The following SCN9A variants were observed in gnomAD, a reference collection of about 807,000 sequenced individuals.
The protein encoded by SCN9A is sodium channel protein type 9 subunit alpha.
In SCN9A, 131 loss-of-function variants were observed where a neutral mutation model predicts 187.0. The ratio of observed to expected loss-of-function variants is 0.70; its 90% confidence interval spans 0.61 to 0.81. The LOEUF (loss-of-function observed/expected upper bound fraction) is 0.81. Among genes scored for constraint, SCN9A ranks in the 30% least tolerant of loss-of-function variants. The pLI, the probability that SCN9A is intolerant of heterozygous loss-of-function variation, is 0.00. For synonymous variants in SCN9A, 809 were observed against 808.6 expected, an observed-to-expected ratio of 1.00 and a Z score of -0.01; for missense variants, 2,252 against 2,396.6, an observed-to-expected ratio of 0.94 and a Z score of 1.26.
At chr2:166,352,396 A>G (rs982093735) in intron 1 of SCN9A, among the ~76,000 whole-genome samples, 1 of 152,224 alleles carries the variant, frequency 6.6e-6, no homozygotes, top group Non-Finnish European at 1.5e-5. Flanking sequence ...CACCATGGTA[A>G]ATTAATGATG....
intron 24 of SCN9A, among the ~76,000 whole-genome samples, chr2:166,206,032 G>A (rs994535659): frequency 1.3e-5 from 2 of 152,206 alleles, no homozygotes; most frequent in East Asian, 3.9e-4. Flanking sequence ...TGGAGAGGAT[G>A]TGGAGAAATA....
At chr2:166,244,585 G>T (rs1467001845) in intron 18 of SCN9A, among the ~76,000 whole-genome samples, 1 of 151,910 alleles carries the variant, frequency 6.6e-6, no homozygotes, top group Non-Finnish European at 1.5e-5. Flanking sequence ...ATACTGTCGG[G>T]CTATTGTGCA....
intron 1 of SCN9A, among the ~76,000 whole-genome samples, chr2:166,339,875 A>G (rs993865433): frequency 1.3e-5 from 2 of 152,206 alleles, no homozygotes; most frequent in Non-Finnish European, 2.9e-5. Flanking sequence ...TAATTCTACT[A>G]TCTAGAGAGG....
intron 19 of SCN9A, 27 bp downstream of exon 19, chr2:166,242,475 T>C: frequency 6.6e-7 from 1 of 1,523,608 alleles, no homozygotes; most frequent in Non-Finnish European, 8.9e-7. Context: ...TTAATCAATA[T>C]ATTGACTTAG....
intron 12 of SCN9A, among the ~76,000 whole-genome samples, chr2:166,283,512 G>A (rs1697587207): frequency 6.6e-6 from 1 of 152,140 alleles, no homozygotes; most frequent in Admixed American, 6.6e-5. Context: ...GTGGGCTAAA[G>A]AGATATCCTG....
In SCN9A at chr2:166,251,680, C is replaced by A; in HGVS notation, c.3472+85G>T. On this transcript the variant is annotated intron_variant, in intron 18 of 26. Coordinates refer to ENST00000642356, the MANE Select transcript of SCN9A (RefSeq NM_001365536.1). Reference sequence around the variant, plus strand: ...GGAATGGAGTCTTCTGACTTACCGACAACCTCTGGTAAGTATTAGGCGTTA... The same window carrying A: ...GGAATGGAGTCTTCTGACTTACCGAAAACCTCTGGTAAGTATTAGGCGTTA... 3.5e-6 allele frequency: 5 copies of A among 1,445,882 alleles called. No homozygotes were observed. The South Asian group carries it at 3.5e-5, about 10-fold the overall frequency. 89.6% of individuals were successfully genotyped at this position (1,445,882 alleles called of 1,614,324 possible).
intron 9 of SCN9A, 78 bp downstream of exon 9, chr2:166,293,153 C>T (rs189525411): frequency 4.1e-5 from 53 of 1,307,332 alleles, no homozygotes; most frequent in African/African-American, 3.2e-4. Context: ...AATAAAAAAC[C>T]TCCTAATACA....
intron 13 of SCN9A, among the ~76,000 whole-genome samples, 178 bp downstream of exon 13, chr2:166,281,501 C>A (rs1008108727): frequency 2.0e-5 from 3 of 151,976 alleles, no homozygotes; most frequent in Admixed American, 2.0e-4. Flanking sequence ...TAATTTTATC[C>A]ATTTTTAAGC....
chr2:166,306,845 A>T (rs1468804393), intron 3 of SCN9A, 111 bp downstream of exon 3: 1 of 665,842 alleles, frequency 1.5e-6, no homozygotes, highest in African/African-American at 1.8e-5. Flanking sequence ...AAATTAATAA[A>T]CTAAAACCAG....
chr2:166,228,012 A>T (rs1694913045), intron 22 of SCN9A, among the ~76,000 whole-genome samples: 1 of 152,160 alleles, frequency 6.6e-6, no homozygotes, highest in Non-Finnish European at 1.5e-5. Context: ...TGAATAAGAC[A>T]GGAAACATCT....
intron 24 of SCN9A, among the ~76,000 whole-genome samples, chr2:166,207,448 T>TGTTGTG (rs1385469381): frequency 1.3e-5 from 2 of 151,672 alleles, no homozygotes; most frequent in African/African-American, 4.8e-5. Context: ...TTGTTGTTGT[T>TGTTGTG]GTTGTTGTTT....
At position 166,280,509 on chromosome 2, in the gene SCN9A, T is replaced by C. The variant is rs1574857096; in HGVS notation, c.2191A>G (p.Ile731Val). The C allele has an allele frequency of 1.9e-6, 3 of 1,589,304 alleles. No homozygotes were observed. Among genetic ancestry groups the C allele is most frequent in the South Asian group, 1.1e-5 (1 of 87,626 alleles). Residue 731 changes from isoleucine (I) to valine (V), a missense_variant, in exon 14 of 27, where the codon ATA becomes GTA. By Grantham distance (29) the Ile-to-Val change is conservative. Transcript: ENST00000642356. ...AAATAGATACACTTTTTGAATTTTA[T>C]CCAATATGGAGAGCAATTCCAGATC... The part of the protein sequence containing the change: ...FLIWNCSPYW[I>V]KFKKCIYFIV...
chr2:166,374,083 T>TTA (rs1406657064), intron 1 of SCN9A, among the ~76,000 whole-genome samples: 1 of 152,150 alleles, frequency 6.6e-6, no homozygotes, highest in Non-Finnish European at 1.5e-5. Context: ...GCTCCCATGA[T>TTA]TATATGCAGG....
chr2:166,232,746 TATATATAG>T (rs1449942529), intron 21 of SCN9A, among the ~76,000 whole-genome samples: 7 of 42,472 alleles, frequency 1.6e-4, no homozygotes, highest in African/African-American at 3.2e-4. Context: ...TATATATATA[TATATATAG>T]AGAGAGAGAG....
intron 1 of SCN9A, among the ~76,000 whole-genome samples, chr2:166,312,983 T>G (rs367917548): frequency 1.4e-5 from 2 of 138,198 alleles, no homozygotes; most frequent in South Asian, 2.2e-4. Context: ...GATTAAATAA[T>G]ATAATTATTA....
At chr2:166,294,157 A>G (rs956687096) in intron 8 of SCN9A, among the ~76,000 whole-genome samples, 1 of 152,220 alleles carries the variant, frequency 6.6e-6, no homozygotes, top group African/African-American at 2.4e-5. Context: ...TGTGTACCCA[A>G]GTCCAAGGAA....
In SCN9A at chr2:166,278,848, G is replaced by A. The variant is rs1053255760; in HGVS notation, c.2344-535C>T. Among the ~76,000 whole-genome samples the A allele has an allele frequency of 2.6e-5, 4 of 152,126 alleles. No homozygotes were observed. The East Asian group carries it at 5.8e-4, about 22-fold the overall frequency. On this transcript the variant is annotated intron_variant, in intron 14 of 26. Coordinates refer to ENST00000642356, the MANE Select transcript of SCN9A (RefSeq NM_001365536.1). ...ATACTTCTAAAGCTTTGACACAAAA[G>A]TGCATTGCAAAATATCATTAATTCA...
rs752930812 is a variant in SCN9A, at chr2:166,284,537, C to A, written c.1890G>T (p.Leu630=). ...SAVDCNGVVS[L]VDGRSALMLP... ...GCATGAGGGCTGAGCGTCCATCAAC[C>A]AGGGAGACCACACCGTTGCAGTCCA... Residue 630 remains leucine (L), a synonymous_variant, in exon 12 of 27, where the codon CTG becomes CTT. Transcript: ENST00000642356. The A allele has an allele frequency of 6.2e-7, 1 of 1,614,128 alleles. No homozygotes were observed. Among genetic ancestry groups the A allele is most frequent in the Non-Finnish European group, 8.5e-7 (1 of 1,180,008 alleles).
chr2:166,263,675 T>C (rs1558991905), intron 17 of SCN9A, among the ~76,000 whole-genome samples: 1 of 151,976 alleles, frequency 6.6e-6, no homozygotes, highest in Non-Finnish European at 1.5e-5. Context: ...CCTGGCATGT[T>C]TGAGTGTGAT....
Sources: allele counts gnomAD v4.1 joint callset (sites outside exome capture counted in the v4.1 genomes callset), GRCh38; gene constraint gnomAD v4.1.1; transcripts MANE v1.5; gene names NCBI Gene and HGNC (gene_info 2026-07-23, HGNC 2026-07-21).